TSPAN18: variants seen among roughly 807,000 people sequenced by gnomAD.
TSPAN18 encodes tetraspanin 18, also known as tetraspanin-18.
A neutral mutation model predicts 27.3 loss-of-function variants in TSPAN18; 14 were observed. That is an observed-to-expected ratio of 0.51 (90% CI 0.34 to 0.80). The LOEUF (loss-of-function observed/expected upper bound fraction) is 0.80, where lower values mean the gene tolerates loss of function less well. Ranked by LOEUF, TSPAN18 falls within the 30% of genes least tolerant of loss-of-function variation. The probability of loss-of-function intolerance (pLI) is 0.01; values close to 1 mark genes in which losing one functional copy is unlikely to be tolerated. For synonymous variants in TSPAN18, 143 were observed against 136.5 expected, an observed-to-expected ratio of 1.05 and a Z score of -0.33; for missense variants, 268 against 323.9, an observed-to-expected ratio of 0.83 and a Z score of 1.32.
rs576838372 is a variant in TSPAN18, at chr11:44,819,850, A to G, written c.-152-40478A>G. On this transcript the variant is annotated intron_variant, in intron 2 of 9. Transcript: ENST00000520358. ...AGTCCAGAGCCTGAGCCAATGGCTT[A>G]CTTATTACTTATTACCTTCTGTTGG... Among the ~76,000 whole-genome samples the G allele has an allele frequency of 2.6e-5, 4 of 152,236 alleles. No homozygotes were observed. The East Asian group carries it at 7.7e-4, about 29-fold the overall frequency.
chr11:44,774,585 G>A (rs1390147424), intron 2 of TSPAN18, among the ~76,000 whole-genome samples: 1 of 152,160 alleles, frequency 6.6e-6, no homozygotes, highest in Non-Finnish European at 1.5e-5. Context: ...TGCAATTGGG[G>A]ACCTCCCAGC....
chr11:44,924,321 A>T (rs1271752862), intron 8 of TSPAN18, among the ~76,000 whole-genome samples: 1 of 152,090 alleles, frequency 6.6e-6, no homozygotes, highest in Non-Finnish European at 1.5e-5. Flanking sequence ...CCTCACAGCA[A>T]TCCCATGAGG....
chr11:44,890,138 TG>T (rs915253765), intron 3 of TSPAN18, among the ~76,000 whole-genome samples: 6 of 152,186 alleles, frequency 3.9e-5, no homozygotes, highest in Admixed American at 3.3e-4. Context: ...AAGGATGATC[TG>T]GGGGAAGGAC....
At chr11:44,891,746 C>A (rs1349344198) in intron 3 of TSPAN18, among the ~76,000 whole-genome samples, 1 of 152,150 alleles carries the variant, frequency 6.6e-6, no homozygotes, top group Non-Finnish European at 1.5e-5. Flanking sequence ...GCAGGGCTAT[C>A]CATCACCAGA....
chr11:44,844,341 G>A (rs1223098006), intron 2 of TSPAN18, among the ~76,000 whole-genome samples: 3 of 152,180 alleles, frequency 2.0e-5, no homozygotes, highest in East Asian at 1.9e-4. Flanking sequence ...CTTTTAGTGG[G>A]TCTAGGCAGG....
At chr11:44,873,504 A>C (rs1365035455) in intron 3 of TSPAN18, among the ~76,000 whole-genome samples, 1 of 152,220 alleles carries the variant, frequency 6.6e-6, no homozygotes, top group East Asian at 1.9e-4. Context: ...ATAGCAGACA[A>C]ACCCCTTGAC....
chr11:44,919,583 C>G, intron 7 of TSPAN18: 2 of 609,104 alleles, frequency 3.3e-6, no homozygotes, highest in South Asian at 3.9e-5. Flanking sequence ...TTATGGATGG[C>G]TAAGCGCCTG....
chr11:44,813,437 C>T (rs938667819), intron 2 of TSPAN18, among the ~76,000 whole-genome samples: 1 of 152,196 alleles, frequency 6.6e-6, no homozygotes, highest in Admixed American at 6.5e-5. Flanking sequence ...TATAAAGTGC[C>T]TGGCACAGTT....
rs2135147593 is a variant in TSPAN18, at chr11:44,832,849, T to G, written c.-152-27479T>G. On this transcript the variant is annotated intron_variant, in intron 2 of 9. Coordinates refer to ENST00000520358, the MANE Select transcript of TSPAN18 (RefSeq NM_130783.5). ...TTATCCAGGGAAACCTCGGTGGCTC[T>G]CCACTGCTGGTCTCCTTCTTGAGTG... 2.0e-5 allele frequency among the ~76,000 whole-genome samples: 3 copies of G among 152,258 alleles called. No individual in the cohort carries two copies. In the East Asian group the frequency reaches 5.8e-4, roughly 29 times the overall value.
intron 8 of TSPAN18, among the ~76,000 whole-genome samples, chr11:44,924,097 T>TGTGTGTGTGTGTGTGTGTGTGTG (rs1554941244): frequency 2.7e-5 from 4 of 145,774 alleles, no homozygotes; most frequent in African/African-American, 1.0e-4. Flanking sequence ...CCTTCTGGGG[T>TGTGTGTGTGTGTGTGTGTGTGTG]TGTGTGTGTG....
At chr11:44,906,621 A>G (rs1564989067) in intron 4 of TSPAN18, 142 bp downstream of exon 4, 3 of 799,448 alleles carry the variant, frequency 3.8e-6, no homozygotes, top group South Asian at 3.1e-5. Context: ...CCAGGCTTTC[A>G]TGGAAGGGGG....
intron 3 of TSPAN18, among the ~76,000 whole-genome samples, chr11:44,882,615 CACACACACACACAG>C (rs1294648530): frequency 2.5e-5 from 3 of 118,108 alleles, no homozygotes; most frequent in East Asian, 4.2e-4. Flanking sequence ...CACACACACA[CACACACACACACAG>C]AGAGAGAGCA....
At chr11:44,741,981 A>T (rs975106622) in intron 1 of TSPAN18, among the ~76,000 whole-genome samples, 2 of 151,040 alleles carry the variant, frequency 1.3e-5, no homozygotes, top group Non-Finnish European at 2.9e-5. Context: ...TTCCATATAC[A>T]CACCAGACCC....
chr11:44,762,711 A>G (rs927669077), intron 1 of TSPAN18, among the ~76,000 whole-genome samples: 3 of 152,112 alleles, frequency 2.0e-5, no homozygotes, highest in Non-Finnish European at 2.9e-5. Flanking sequence ...TTCATGATGC[A>G]TGAGGTCCCC....
chr11:44,804,193 T>A (rs1026906789), intron 2 of TSPAN18, among the ~76,000 whole-genome samples: 1 of 151,840 alleles, frequency 6.6e-6, no homozygotes, highest in African/African-American at 2.4e-5. Context: ...AACCTCCACC[T>A]CCCGGGTTCA....
intron 2 of TSPAN18, among the ~76,000 whole-genome samples, chr11:44,843,398 T>C (rs835787): frequency 0.88 from 133,407 of 152,206 alleles, 58,528 homozygotes; most frequent in East Asian, 0.93. Context: ...ACATCAAGTA[T>C]TTAACAGGGT....
intron 2 of TSPAN18, among the ~76,000 whole-genome samples, chr11:44,822,350 A>G (rs1188403828): frequency 6.6e-6 from 1 of 152,116 alleles, no homozygotes; most frequent in Non-Finnish European, 1.5e-5. Flanking sequence ...TTAATACAAT[A>G]CACATTAATT....
At chr11:44,897,316 T>C (rs1403262300) in intron 3 of TSPAN18, among the ~76,000 whole-genome samples, 3 of 152,260 alleles carry the variant, frequency 2.0e-5, no homozygotes, top group South Asian at 4.2e-4. Flanking sequence ...CCTGGGAGTC[T>C]GGGTTTTGGG....
chr11:44,905,248 G>A (rs1482377313), intron 3 of TSPAN18, among the ~76,000 whole-genome samples: 3 of 152,106 alleles, frequency 2.0e-5, no homozygotes, highest in Non-Finnish European at 4.4e-5. Flanking sequence ...GAGGAAGCGG[G>A]AGCTGCAGAA....
Sources: gnomAD v4.1 joint callset for allele counts (sites outside exome capture counted in the v4.1 genomes callset) on GRCh38, gnomAD v4.1.1 for gene constraint, MANE v1.5 for transcripts, NCBI Gene and HGNC (gene_info 2026-07-23, HGNC 2026-07-21) for gene names.